FRMPD4: variants seen among roughly 807,000 people sequenced by gnomAD.
FRMPD4 encodes FERM and PDZ domain-containing protein 4.
A neutral mutation model predicts 94.1 loss-of-function variants in FRMPD4; 22 were observed. The ratio of observed to expected loss-of-function variants is 0.23; its 90% CI spans 0.17 to 0.33. FRMPD4 has a LOEUF of 0.33. FRMPD4 is among the 10% of genes least tolerant of loss of function. The pLI, the probability that FRMPD4 is intolerant of heterozygous loss-of-function variation, is 1.00. For missense variants in FRMPD4, 1,111 were observed against 1,339.9 expected, an observed-to-expected ratio of 0.83 and a Z score of 2.67; for synonymous variants, 631 against 548.6, an observed-to-expected ratio of 1.15 and a Z score of -2.10.
rs148327283 is a variant in FRMPD4 at position 12,533,517 on chromosome X, C to T, written c.158+34721C>T. Among the ~76,000 whole-genome samples the T allele has an allele frequency of 7.9e-3, 885 of 111,776 alleles. 5 individuals carry two copies. The highest frequency in any genetic ancestry group is 0.011 in the Non-Finnish European group (577 of 53,172). On this transcript the variant is annotated intron_variant, in intron 2 of 16. Transcript: ENST00000675598. ...AAAAAGACAGGAAAATGTGGGAAAG[C>T]TTGGAACTCCCTAGAGACTTGTTGA...
Position 12,379,837 on chromosome X carries a change from A to G in FRMPD4, c.42-118843A>G, listed in dbSNP as rs777927602. Among the ~76,000 whole-genome samples, 4 of 111,438 alleles carry G rather than the reference A, an allele frequency of 3.6e-5. No individual in the cohort carries two copies. In the East Asian group the frequency reaches 1.1e-3, roughly 31 times the overall value. On this transcript the variant is annotated intron_variant, in intron 1 of 16. Coordinates refer to ENST00000675598, the MANE Select transcript of FRMPD4 (RefSeq NM_001368397.1). ...GTTCAAGTATGCATCATTCAATGGT[A>G]TTTCACTTGAGAAACAATGCTGGTG...
intron 3 of FRMPD4, among the ~76,000 whole-genome samples, chrX:12,131,613 C>G (rs2055552919): frequency 9.0e-6 from 1 of 110,969 alleles, no homozygotes. Flanking sequence ...TTTGAATATC[C>G]TTTAGGGCAA....
intron 3 of FRMPD4, among the ~76,000 whole-genome samples, chrX:12,096,337 A>G (rs2055200978): frequency 8.9e-6 from 1 of 112,490 alleles, no homozygotes; most frequent in Non-Finnish European, 1.9e-5. Flanking sequence ...GGTTGCCTCC[A>G]TTGCATTCAT....
chrX:12,423,261 A>AT (rs1555964555), intron 1 of FRMPD4, among the ~76,000 whole-genome samples: 3 of 104,683 alleles, frequency 2.9e-5, no homozygotes, highest in Non-Finnish European at 6.0e-5. Context: ...AAATAAATAA[A>AT]AAATAAAAAA....
chrX:12,316,483 T>C (rs760393753), intron 1 of FRMPD4, among the ~76,000 whole-genome samples: 1 of 112,050 alleles, frequency 8.9e-6, no homozygotes, highest in Non-Finnish European at 1.9e-5. Flanking sequence ...AGCAACAGCT[T>C]AGGTGGTAAT....
intron 1 of FRMPD4, among the ~76,000 whole-genome samples, chrX:12,261,628 C>T (rs1428334055): frequency 8.9e-6 from 1 of 111,845 alleles, no homozygotes; most frequent in African/African-American, 3.2e-5. Context: ...GCATGATGTG[C>T]ATTTATTCAA....
intron 3 of FRMPD4, among the ~76,000 whole-genome samples, chrX:11,926,907 G>A (rs936748423): frequency 8.1e-5 from 9 of 111,377 alleles, no homozygotes; most frequent in African/African-American, 2.9e-4. Context: ...AGGGAAATTA[G>A]CCAACAGAAA....
At chrX:12,155,417 A>G (rs2055918383) in intron 1 of FRMPD4, among the ~76,000 whole-genome samples, 1 of 110,016 alleles carries the variant, frequency 9.1e-6, no homozygotes, top group African/African-American at 3.3e-5. Context: ...GAGGAGGACA[A>G]TGTTTTTATC....
At chrX:12,581,004 G>A (rs1480909048) in intron 2 of FRMPD4, among the ~76,000 whole-genome samples, 1 of 112,264 alleles carries the variant, frequency 8.9e-6, no homozygotes, top group Non-Finnish European at 1.9e-5. Context: ...TGAAACTGTG[G>A]AAAGCAAAAC....
At chrX:11,997,221 A>G (rs2188721) in intron 3 of FRMPD4, among the ~76,000 whole-genome samples, 9,656 of 110,679 alleles carry the variant, frequency 0.087, 357 homozygotes, top group East Asian at 0.24. Flanking sequence ...AAAATGGTTT[A>G]GACGTAGACT....
intron 3 of FRMPD4, among the ~76,000 whole-genome samples, chrX:12,037,367 C>T (rs1371082091): frequency 2.7e-5 from 3 of 111,141 alleles, no homozygotes; most frequent in South Asian, 3.8e-4. Context: ...TAGAACATTT[C>T]GATCATACCA....
chrX:12,266,977 T>A (rs1200786211), intron 1 of FRMPD4, among the ~76,000 whole-genome samples: 3 of 112,203 alleles, frequency 2.7e-5, no homozygotes, highest in African/African-American at 9.7e-5. Context: ...CTAGCTTACC[T>A]TGAATATGCT....
intron 1 of FRMPD4, among the ~76,000 whole-genome samples, chrX:12,439,440 CT>C (rs2057109315): frequency 1.8e-5 from 2 of 111,463 alleles, no homozygotes; most frequent in South Asian, 7.7e-4. Flanking sequence ...TCAAAAGCAT[CT>C]AGCTCCTAAG....
At chrX:11,876,423 C>T (rs887901263) in intron 2 of FRMPD4, among the ~76,000 whole-genome samples, 3 of 109,724 alleles carry the variant, frequency 2.7e-5, no homozygotes, top group South Asian at 7.9e-4. Context: ...AACAGTTACA[C>T]AATTGGGCTC....
At chrX:12,518,594 C>A (rs2058127682) in intron 2 of FRMPD4, among the ~76,000 whole-genome samples, 2 of 111,608 alleles carry the variant, frequency 1.8e-5, no homozygotes, top group Non-Finnish European at 3.8e-5. Flanking sequence ...CTATAAAAAG[C>A]CCAAAGTTAA....
chrX:11,861,931 C>T (rs916684280), intron 1 of FRMPD4, among the ~76,000 whole-genome samples: 8 of 111,720 alleles, frequency 7.2e-5, no homozygotes, highest in African/African-American at 2.6e-4. Context: ...ATCTGCTTGG[C>T]TTCTGGGGAG....
intron 1 of FRMPD4, chrX:12,396,299 T>G (rs2056542168): frequency 9.2e-6 from 1 of 108,171 alleles, no homozygotes; most frequent in Non-Finnish European, 1.9e-5. Context: ...ATACATTTCC[T>G]GACTTTCTTT....
chrX:12,498,844 TTCTTTA>T (rs1252253690), intron 2 of FRMPD4, 48 bp downstream of exon 2: 2 of 664,196 alleles, frequency 3.0e-6, no homozygotes, highest in Non-Finnish European at 4.7e-6. Context: ...GCCAATGGAC[TTCTTTA>T]TCTTTGTTTA....
chrX:11,852,331 G>T (rs763091701), intron 1 of FRMPD4, among the ~76,000 whole-genome samples: 1 of 106,864 alleles, frequency 9.4e-6, no homozygotes, highest in Non-Finnish European at 1.9e-5. Context: ...AATATACTTT[G>T]TCCAGGAGGC....
Sources: gnomAD v4.1 joint callset for allele counts (sites outside exome capture counted in the v4.1 genomes callset) on GRCh38, gnomAD v4.1.1 for gene constraint, MANE v1.5 for transcripts, NCBI Gene and HGNC (gene_info 2026-07-23, HGNC 2026-07-21) for gene names.